Variants in PTPN3 observed in about 807,000 individuals in gnomAD.
PTPN3 encodes the protein protein tyrosine phosphatase non-receptor type 3, also known as tyrosine-protein phosphatase non-receptor type 3.
Under a neutral mutation model 132.7 loss-of-function variants are expected in PTPN3, and 96 were observed. The observed-to-expected ratio is 0.72, with a 90% confidence interval of 0.61 to 0.86. The LOEUF (loss-of-function observed/expected upper bound fraction) is 0.86, where lower values mean the gene tolerates loss of function less well. PTPN3 is among the 40% of genes least tolerant of loss of function. PTPN3 has a pLI of 0.00. For synonymous variants in PTPN3, 398 were observed against 429.0 expected (o/e 0.93, Z 0.89); for missense variants, 1,125 against 1,159.6 (o/e 0.97, Z 0.43).
At chr9:109,418,135 G>A (rs1842653638) in intron 14 of PTPN3, among the ~76,000 whole-genome samples, 1 of 152,170 alleles carries the variant, frequency 6.6e-6, no homozygotes, top group Admixed American at 6.5e-5. Flanking sequence ...TGTTCCCTAA[G>A]CCCCCCTTTT....
intron 1 of PTPN3, among the ~76,000 whole-genome samples, chr9:109,494,966 T>A (rs1331156746): frequency 6.6e-6 from 1 of 152,072 alleles, no homozygotes; most frequent in Admixed American, 6.5e-5. Flanking sequence ...AGATGCAACA[T>A]TTCTGGGTCT....
At chr9:109,457,064 C>T in intron 4 of PTPN3, 109 bp downstream of exon 4, 1 of 1,175,638 alleles carries the variant, frequency 8.5e-7, no homozygotes, top group African/African-American at 1.5e-5. Flanking sequence ...CTCCTGGACA[C>T]CCGGAACTAC....
intron 2 of PTPN3, among the ~76,000 whole-genome samples, chr9:109,458,698 G>T (rs796288617): frequency 3.3e-5 from 5 of 152,172 alleles, no homozygotes; most frequent in African/African-American, 1.2e-4. Flanking sequence ...TGTACCTCCT[G>T]CTCCTTCTAC....
At chr9:109,383,314 C>T in intron 23 of PTPN3, 109 bp downstream of exon 23, 4 of 1,583,638 alleles carry the variant, frequency 2.5e-6, no homozygotes, top group Admixed American at 3.3e-5. Context: ...TACTGACACG[C>T]TTGCCAGGTG....
At chr9:109,490,566 C>T (rs184797888) in intron 1 of PTPN3, among the ~76,000 whole-genome samples, 19 of 152,106 alleles carry the variant, frequency 1.2e-4, no homozygotes, top group Admixed American at 1.2e-3. Context: ...GGAGAAATCC[C>T]GTCTCTACTA....
the PTPN3 span, among the ~76,000 whole-genome samples, chr9:109,535,476 A>G: frequency 9.9e-5 from 15 of 152,122 alleles, no homozygotes; most frequent in Non-Finnish European, 2.1e-4. Context: ...AGTTGATCTG[A>G]TAAGCTTATT....
At chr9:109,449,066 T>TG in intron 5 of PTPN3, 1 of 1,376,594 alleles carries the variant, frequency 7.3e-7, no homozygotes, top group African/African-American at 1.5e-5. Context: ...ACGTCTTGAC[T>TG]GGTGGGGGCA....
At chr9:109,536,334 C>A in the PTPN3 span, among the ~76,000 whole-genome samples, 5 of 152,144 alleles carry the variant, frequency 3.3e-5, no homozygotes, top group Non-Finnish European at 7.4e-5. Context: ...TCCATGTATA[C>A]CGATCTTCAA....
chr9:109,465,842 A>C (rs1229600920), intron 1 of PTPN3, among the ~76,000 whole-genome samples: 1 of 152,152 alleles, frequency 6.6e-6, no homozygotes, highest in Admixed American at 6.5e-5. Flanking sequence ...GAGTAAGTTA[A>C]CTTTTTTTTA....
intron 19 of PTPN3, among the ~76,000 whole-genome samples, chr9:109,400,165 TG>T (rs1182843707): frequency 6.6e-6 from 1 of 151,804 alleles, no homozygotes; most frequent in Non-Finnish European, 1.5e-5. Flanking sequence ...TGGCCTCAAG[TG>T]ATCCCCCTGT....
intron 19 of PTPN3, 136 bp from the exon 20 acceptor site, chr9:109,391,697 T>C (rs1212979823): frequency 3.7e-5 from 24 of 645,140 alleles, no homozygotes; most frequent in Non-Finnish European, 5.0e-5. Flanking sequence ...AAGAAAATCT[T>C]CCCAATAAGA....
the PTPN3 span, among the ~76,000 whole-genome samples, chr9:109,529,786 C>T: frequency 0.016 from 2,392 of 152,318 alleles, 20 homozygotes; most frequent in Middle Eastern, 0.048. Flanking sequence ...AAAACTGAAA[C>T]TGTATACCTA....
intron 1 of PTPN3, among the ~76,000 whole-genome samples, chr9:109,483,886 C>T (rs1847082031): frequency 6.6e-6 from 1 of 152,184 alleles, no homozygotes; most frequent in South Asian, 2.1e-4. Flanking sequence ...TGGATGAATG[C>T]CGCTCAAAGT....
chr9:109,425,887 T>A (rs1843230564), intron 12 of PTPN3, among the ~76,000 whole-genome samples: 1 of 150,366 alleles, frequency 6.7e-6, no homozygotes, highest in South Asian at 2.1e-4. Flanking sequence ...GGTGGTGTGC[T>A]CCTGTAATCC....
Position 109,384,739 on chromosome 9 carries a change from G to C in PTPN3, c.2254-1188C>G, listed in dbSNP as rs796290268. Among the ~76,000 whole-genome samples the C allele has an allele frequency of 1.6e-4, 25 of 152,360 alleles. 1 individual carries two copies. The highest frequency in any genetic ancestry group is 5.8e-4 in the African/African-American group (24 of 41,582). ...TAAGTAAAAAATACATTTGTTCATGGTGGAAAAGTGGTATAACCATAAGAC... is the reference window on the plus strand; with the variant it reads ...TAAGTAAAAAATACATTTGTTCATGCTGGAAAAGTGGTATAACCATAAGAC... On this transcript the variant is annotated intron_variant, in intron 22 of 25. Transcript: ENST00000374541.
At chr9:109,527,811 C>T in the PTPN3 span, among the ~76,000 whole-genome samples, 1 of 152,004 alleles carries the variant, frequency 6.6e-6, no homozygotes, top group Non-Finnish European at 1.5e-5. Flanking sequence ...GCACAATTAA[C>T]AGAGTGAAAA....
At chr9:109,429,242 T>G (rs1331375840) in intron 10 of PTPN3, among the ~76,000 whole-genome samples, 1 of 152,146 alleles carries the variant, frequency 6.6e-6, no homozygotes. Flanking sequence ...TTATACCCAG[T>G]TTTCAGATGA....
intron 5 of PTPN3, chr9:109,451,270 A>G (rs1051022697): frequency 4.1e-6 from 4 of 985,226 alleles, no homozygotes; most frequent in South Asian, 4.7e-5. Flanking sequence ...CACCAGCTCT[A>G]TAAGAGTTAT....
At chr9:109,420,698 G>A in intron 13 of PTPN3, 98 bp from the exon 14 acceptor site, 1 of 1,278,802 alleles carries the variant, frequency 7.8e-7, no homozygotes, top group Non-Finnish European at 1.1e-6. Context: ...CCTTTCTAAG[G>A]ATGCCTTCCT....
Sources: allele counts gnomAD v4.1 joint callset (sites outside exome capture counted in the v4.1 genomes callset), GRCh38; gene constraint gnomAD v4.1.1; transcripts MANE v1.5; gene names NCBI Gene and HGNC (gene_info 2026-07-23, HGNC 2026-07-21).